Variants in PDE4B observed in about 807,000 individuals in gnomAD.
PDE4B encodes phosphodiesterase 4B.
PDE4B carries 20 observed loss-of-function variants against 82.2 expected under a neutral mutation model. The ratio of observed to expected loss-of-function variants is 0.24; its 90% CI spans 0.17 to 0.35. The LOEUF (loss-of-function observed/expected upper bound fraction) is 0.35. Ranked by LOEUF, PDE4B falls within the 10% of genes least tolerant of loss-of-function variation. The probability of loss-of-function intolerance (pLI) is 1.00; values close to 1 mark genes in which losing one functional copy is unlikely to be tolerated. For synonymous variants in PDE4B, 320 were observed against 318.9 expected (o/e 1.00, Z -0.04); for missense variants, 655 against 907.2 (o/e 0.72, Z 3.57).
intron 3 of PDE4B, among the ~76,000 whole-genome samples, chr1:66,090,804 A>T (rs1461912979): frequency 1.3e-5 from 2 of 151,470 alleles, no homozygotes; most frequent in Non-Finnish European, 2.9e-5. Context: ...ACTCATAATT[A>T]AAAAACATCT....
chr1:66,200,520 A>C (rs1258950336), intron 3 of PDE4B, among the ~76,000 whole-genome samples: 5 of 152,018 alleles, frequency 3.3e-5, no homozygotes, highest in Admixed American at 6.6e-5. Context: ...CTTTTATTTC[A>C]TTGAGCAGTG....
intron 3 of PDE4B, among the ~76,000 whole-genome samples, chr1:66,217,660 T>C (rs1219618781): frequency 6.6e-6 from 1 of 152,168 alleles, no homozygotes; most frequent in African/African-American, 2.4e-5. Context: ...CATATTTGTA[T>C]GATTTGTTTA....
chr1:66,206,649 G>T (rs757795488), intron 3 of PDE4B, among the ~76,000 whole-genome samples: 65 of 152,182 alleles, frequency 4.3e-4, no homozygotes, highest in Non-Finnish European at 5.6e-4. Flanking sequence ...AAATGTGCTT[G>T]CCAATAATAA....
intron 3 of PDE4B, among the ~76,000 whole-genome samples, chr1:66,133,648 A>G (rs1044787318): frequency 1.3e-5 from 2 of 152,214 alleles, no homozygotes; most frequent in Non-Finnish European, 2.9e-5. Context: ...TAGGTTTACT[A>G]TAACAGCATG....
chr1:66,078,221 G>A (rs533818235), intron 3 of PDE4B, among the ~76,000 whole-genome samples: 127 of 150,516 alleles, frequency 8.4e-4, no homozygotes, highest in Non-Finnish European at 1.6e-3. Context: ...TTTCAAGATG[G>A]AGTCTTGCTC....
At chr1:66,234,843 T>C (rs1418780223) in intron 3 of PDE4B, among the ~76,000 whole-genome samples, 2 of 152,174 alleles carry the variant, frequency 1.3e-5, no homozygotes, top group Admixed American at 6.5e-5. Context: ...ATTTGCTTTT[T>C]CTTGAGCTAG....
Position 66,089,591 on chromosome 1 carries a change from G to A in PDE4B, c.282-157869G>A, listed in dbSNP as rs181241359. Among the ~76,000 whole-genome samples the A allele has an allele frequency of 1.3e-3, 203 of 151,964 alleles. 2 individuals carry two copies. The highest frequency in any genetic ancestry group is 8.7e-3 in the Admixed American group (133 of 15,236). The stretch of plus-strand genomic sequence containing the variant: ...CCCATCTTGTTTCTGAGGATACAGA[G>A]GTTTTTTTTTCATAGGTATCCTATA... On this transcript the variant is annotated intron_variant, in intron 3 of 16. Transcript: ENST00000341517.
intron 3 of PDE4B, among the ~76,000 whole-genome samples, chr1:66,142,780 T>A (rs1646198232): frequency 6.6e-6 from 1 of 152,222 alleles, no homozygotes; most frequent in Admixed American, 6.5e-5. Flanking sequence ...GATCTTTTGT[T>A]ATCTGTCCAC....
chr1:65,841,848 T>C (rs1646211224), intron 1 of PDE4B, among the ~76,000 whole-genome samples: 1 of 152,156 alleles, frequency 6.6e-6, no homozygotes, highest in African/African-American at 2.4e-5. Context: ...CCATTTTGGA[T>C]TGTTGTCTGT....
At chr1:66,094,489 G>A (rs1014410668) in intron 3 of PDE4B, 1 of 151,944 alleles carries the variant, frequency 6.6e-6, no homozygotes, top group Admixed American at 6.6e-5. Flanking sequence ...TTTTCAATTA[G>A]CAATGACTGC....
intron 3 of PDE4B, among the ~76,000 whole-genome samples, chr1:65,950,729 A>G (rs1300859920): frequency 6.6e-6 from 1 of 152,058 alleles, no homozygotes; most frequent in Non-Finnish European, 1.5e-5. Flanking sequence ...CCACCCAGGC[A>G]AAGTGGCTTC....
chr1:66,353,192 T>C (rs1000381276), intron 8 of PDE4B, among the ~76,000 whole-genome samples: 11 of 152,188 alleles, frequency 7.2e-5, no homozygotes, highest in African/African-American at 2.7e-4. Flanking sequence ...AGAGGTTCAA[T>C]AAGTAAAATA....
chr1:66,134,659 AAG>A, intron 3 of PDE4B, among the ~76,000 whole-genome samples: 1 of 152,200 alleles, frequency 6.6e-6, no homozygotes, highest in East Asian at 1.9e-4. Context: ...CCTTATTTTA[AAG>A]AGAGAAGTGA....
At chr1:66,088,458 A>C (rs1644944079) in intron 3 of PDE4B, among the ~76,000 whole-genome samples, 1 of 152,048 alleles carries the variant, frequency 6.6e-6, no homozygotes, top group Non-Finnish European at 1.5e-5. Context: ...CTGAATCATG[A>C]ATTCACAATG....
rs774280577 is a variant in PDE4B, at chr1:66,257,780, AT to A, written c.514-8del. 12 of 1,612,780 alleles carry A rather than the reference AT, an allele frequency of 7.4e-6. No individual in the cohort carries two copies. Among genetic ancestry groups the A allele is most frequent in the South Asian group, 6.6e-5 (6 of 91,052 alleles). On this transcript the variant is annotated splice_polypyrimidine_tract_variant and intron_variant, in intron 5 of 16. Coordinates refer to ENST00000341517, the MANE Select transcript of PDE4B (RefSeq NM_002600.4). ...TCTTTTGTCCTTAACCGTTTAAAAC[AT>A]TTTTCTTCTAGGTCCTTGCCAGCTT...
chr1:66,293,357 G>A (rs922209413), intron 7 of PDE4B, among the ~76,000 whole-genome samples: 24 of 151,344 alleles, frequency 1.6e-4, no homozygotes, highest in African/African-American at 5.4e-4. Context: ...TATTTGCCGT[G>A]GTATTGTAGC....
chr1:66,136,043 A>G (rs541390392), intron 3 of PDE4B, among the ~76,000 whole-genome samples: 7 of 152,244 alleles, frequency 4.6e-5, no homozygotes, highest in African/African-American at 1.7e-4. Context: ...GGGCTCATTG[A>G]AGAATTGCCT....
rs531312462 is a variant in PDE4B, at chr1:65,891,055, G to A, written c.-70-22190G>A. Among the ~76,000 whole-genome samples the A allele has an allele frequency of 1.5e-3, 229 of 152,160 alleles. No individual in the cohort carries two copies. The Middle Eastern group carries it at 0.031, about 20-fold the overall frequency. On this transcript the variant is annotated intron_variant, in intron 1 of 16. Transcript: ENST00000341517. ...ACTATAATAGTACCAGATGAAAATG[G>A]GAAAATTGAAGGAGAAAAAGTAATT...
intron 1 of PDE4B, among the ~76,000 whole-genome samples, chr1:65,887,196 T>C (rs1646790048): frequency 7.7e-5 from 1 of 13,000 alleles, no homozygotes; most frequent in Non-Finnish European, 1.4e-4. Context: ...TTTTCTTTCT[T>C]TCTTTCTTTC....
Sources: allele counts gnomAD v4.1 joint callset (sites outside exome capture counted in the v4.1 genomes callset), GRCh38; gene constraint gnomAD v4.1.1; transcripts MANE v1.5; gene names NCBI Gene and HGNC (gene_info 2026-07-23, HGNC 2026-07-21).